The following ADGRL2 variants were observed in gnomAD, a reference collection of about 807,000 sequenced individuals.
ADGRL2 encodes the protein calcium-independent alpha-latrotoxin receptor 2.
In ADGRL2, 44 loss-of-function variants were observed where a neutral mutation model predicts 157.4. That is an observed-to-expected ratio of 0.28 (90% CI 0.22 to 0.36). ADGRL2 has a LOEUF of 0.36. Ranked by LOEUF, ADGRL2 falls within the 10% of genes least tolerant of loss-of-function variation. ADGRL2 has a pLI of 1.00. For synonymous variants in ADGRL2, 585 were observed against 624.7 expected, an observed-to-expected ratio of 0.94 and a Z score of 0.95; for missense variants, 1,510 against 1,768.9, an observed-to-expected ratio of 0.85 and a Z score of 2.63.
rs144926762 is a variant in ADGRL2 at position 81,904,926 on chromosome 1, C to T, written c.74-2091C>T. 1.8e-4 allele frequency among the ~76,000 whole-genome samples: 28 copies of T among 152,070 alleles called. No individual in the cohort carries two copies. The East Asian group carries it at 5.1e-3, about 27-fold the overall frequency. ...AAGACCCAGTCACCTGTTAAAGGCA[C>T]GACCTCCCAGTATGGCCACACTGAG... On this transcript the variant is annotated intron_variant, in intron 2 of 23. Coordinates refer to ENST00000686636, the MANE Select transcript of ADGRL2 (RefSeq NM_001366006.2).
chr1:81,754,810 C>T (rs1400628350), intron 1 of ADGRL2, among the ~76,000 whole-genome samples: 5 of 151,268 alleles, frequency 3.3e-5, no homozygotes, highest in Admixed American at 2.0e-4. Flanking sequence ...ATACTACTTT[C>T]TTTGTGCCTC....
intron 2 of ADGRL2, among the ~76,000 whole-genome samples, chr1:81,862,696 A>C (rs1288413638): frequency 1.3e-5 from 2 of 152,104 alleles, no homozygotes; most frequent in African/African-American, 4.8e-5. Flanking sequence ...GAAGAATAAT[A>C]TTTAGTTTTT....
At chr1:81,971,325 T>A (rs1403155922) in intron 16 of ADGRL2, among the ~76,000 whole-genome samples, 4 of 152,190 alleles carry the variant, frequency 2.6e-5, no homozygotes, top group African/African-American at 9.6e-5. Context: ...GTGAGTTCTG[T>A]GCTTTGATAT....
Position 81,971,888 on chromosome 1 carries a change from C to T in ADGRL2, c.2991C>T (p.Ser997=). The T allele has an allele frequency of 6.2e-7, 1 of 1,611,582 alleles. No individual in the cohort carries two copies. Among genetic ancestry groups the T allele is most frequent in the Non-Finnish European group, 8.5e-7 (1 of 1,178,522 alleles). Residue 997 remains serine (S), a synonymous_variant, in exon 17 of 24, where the codon AGC becomes AGT. Coordinates refer to ENST00000686636, the MANE Select transcript of ADGRL2 (RefSeq NM_001366006.2). ...ATGTTGATAACTACTTTATATGGAG[C>T]TTCATTGGACCTGTTACCTTCATTA... is the stretch of plus-strand genomic sequence containing the variant. ...WLHVDNYFIW[S]FIGPVTFIIL...
In ADGRL2 at chr1:81,968,151, C is replaced by T. The variant is rs1310516089; in HGVS notation, c.2475C>T (p.Cys825=). Residue 825 remains cysteine, a synonymous_variant, in exon 14 of 24, where the codon TGC becomes TGT. Coordinates refer to ENST00000686636, the MANE Select transcript of ADGRL2 (RefSeq NM_001366006.2). ...DTNKTRTTCA[C]SHLTNFAILM... ...ATAAAACTCGAACAACGTGTGCATG[C>T]AGCCACCTAACCAATTTTGCAATTC... 6.2e-7 allele frequency: 1 copy of T among 1,612,942 alleles called. No homozygotes were observed. Among genetic ancestry groups the T allele is most frequent in the South Asian group, 1.1e-5 (1 of 90,708 alleles).
At chr1:81,799,488 T>C (rs903796872), upstream of ADGRL2, among the ~76,000 whole-genome samples, 1 of 152,238 alleles carries the variant, frequency 6.6e-6, no homozygotes, top group Non-Finnish European at 1.5e-5. Flanking sequence ...ACATTTAACC[T>C]ATGATTTCCT....
intron 18 of ADGRL2, among the ~76,000 whole-genome samples, chr1:81,981,440 G>A (rs1453281430): frequency 6.6e-6 from 1 of 151,884 alleles, no homozygotes; most frequent in Admixed American, 6.6e-5. Context: ...AGTGTCATGT[G>A]AGTACACCAT....
chr1:81,937,809 C>T (rs2095332108), intron 4 of ADGRL2, among the ~76,000 whole-genome samples: 1 of 151,694 alleles, frequency 6.6e-6, no homozygotes, highest in Non-Finnish European at 1.5e-5. Flanking sequence ...CTTTCCAGAA[C>T]CTCAAAAGCT....
At chr1:81,872,755 G>A (rs1164699243) in intron 2 of ADGRL2, among the ~76,000 whole-genome samples, 2 of 151,982 alleles carry the variant, frequency 1.3e-5, no homozygotes, top group Non-Finnish European at 2.9e-5. Flanking sequence ...TATCTACATG[G>A]ATATTTTTCT....
chr1:81,705,208 T>A (rs556131772), intron 1 of ADGRL2, among the ~76,000 whole-genome samples: 8 of 152,214 alleles, frequency 5.3e-5, no homozygotes, highest in African/African-American at 1.9e-4. Context: ...TCCGCCACCA[T>A]GCCCCACTAA....
At chr1:81,421,616 G>C (rs1476389915) in intron 1 of ADGRL2, among the ~76,000 whole-genome samples, 2 of 152,048 alleles carry the variant, frequency 1.3e-5, no homozygotes, top group African/African-American at 4.8e-5. Context: ...GTGAGTATTT[G>C]AGCTATCATG....
chr1:81,980,897 C>A, intron 18 of ADGRL2: 1 of 612,246 alleles, frequency 1.6e-6, no homozygotes, highest in Non-Finnish European at 3.1e-6. Flanking sequence ...TTTACAAATT[C>A]GTCAGTATCA....
At chr1:81,962,954 A>C (rs2149243221) in intron 11 of ADGRL2, among the ~76,000 whole-genome samples, 1 of 152,244 alleles carries the variant, frequency 6.6e-6, no homozygotes, top group South Asian at 2.1e-4. Flanking sequence ...AGTTCCAGAC[A>C]CAAAAATCTT....
At chr1:81,539,615 A>C (rs2148314469) in intron 2 of ADGRL2, among the ~76,000 whole-genome samples, 1 of 152,264 alleles carries the variant, frequency 6.6e-6, no homozygotes, top group South Asian at 2.1e-4. Flanking sequence ...CCCAAAACTG[A>C]ACAGACATTT....
intron 1 of ADGRL2, among the ~76,000 whole-genome samples, chr1:81,701,035 G>A (rs2083560286): frequency 6.6e-6 from 1 of 152,222 alleles, no homozygotes; most frequent in African/African-American, 2.4e-5. Context: ...ACTAAGCAGG[G>A]CTGGCAAGCA....
intron 2 of ADGRL2, among the ~76,000 whole-genome samples, chr1:81,492,821 A>G (rs2078660665): frequency 6.6e-6 from 1 of 152,208 alleles, no homozygotes; most frequent in African/African-American, 2.4e-5. Flanking sequence ...AAATTTGCTT[A>G]AGTAGGGACT....
chr1:81,946,885 G>A (rs1650054461), intron 6 of ADGRL2, among the ~76,000 whole-genome samples: 2 of 152,122 alleles, frequency 1.3e-5, no homozygotes, highest in African/African-American at 2.4e-5. Flanking sequence ...GGACCTCAGT[G>A]AGGAGAATAT....
intron 1 of ADGRL2, among the ~76,000 whole-genome samples, chr1:81,713,281 T>G (rs1439178510): frequency 6.6e-6 from 1 of 152,098 alleles, no homozygotes; most frequent in South Asian, 2.1e-4. Flanking sequence ...GACAAACCAG[T>G]GTGTTTTGCC....
intron 1 of ADGRL2, among the ~76,000 whole-genome samples, chr1:81,384,722 G>A (rs1405495814): frequency 6.6e-6 from 1 of 152,018 alleles, no homozygotes; most frequent in Non-Finnish European, 1.5e-5. Flanking sequence ...TCATTTAGAA[G>A]ATTTAGAACA....
Sources: gnomAD v4.1 joint callset for allele counts (sites outside exome capture counted in the v4.1 genomes callset) on GRCh38, gnomAD v4.1.1 for gene constraint, MANE v1.5 for transcripts, NCBI Gene and HGNC (gene_info 2026-07-23, HGNC 2026-07-21) for gene names.